TTC8: variants seen among roughly 807,000 people sequenced by gnomAD.
TTC8 encodes the protein tetratricopeptide repeat protein 8.
A neutral mutation model predicts 72.5 loss-of-function variants in TTC8; 47 were observed. The observed-to-expected ratio is 0.65, with a 90% confidence interval of 0.51 to 0.83. The LOEUF is 0.83. Ranked by LOEUF, TTC8 falls within the 40% of genes least tolerant of loss-of-function variation. The pLI is 0.00. For synonymous variants in TTC8, 199 were observed against 221.4 expected (o/e 0.90, Z 0.90); for missense variants, 611 against 623.2 (o/e 0.98, Z 0.21).
chr14:88,838,844 C>T (rs370872494), intron 2 of TTC8, among the ~76,000 whole-genome samples: 39 of 152,102 alleles, frequency 2.6e-4, no homozygotes, highest in African/African-American at 8.9e-4. Context: ...TTATTGGAAT[C>T]GGATAAATTG....
intron 7 of TTC8, chr14:88,846,479 A>G: frequency 1.8e-6 from 1 of 549,244 alleles, no homozygotes; most frequent in Non-Finnish European, 3.2e-6. Context: ...AGGAACAGTA[A>G]GAAGGCCAGT....
intron 11 of TTC8, 72 bp downstream of exon 11, chr14:88,870,270 G>C (rs1203769199): frequency 2.0e-6 from 3 of 1,525,036 alleles, no homozygotes; most frequent in Admixed American, 3.3e-5. Context: ...AAGATGGAAT[G>C]AAAGTATAGA....
At chr14:88,826,318 T>A (rs1273364559) in intron 1 of TTC8, among the ~76,000 whole-genome samples, 1 of 152,042 alleles carries the variant, frequency 6.6e-6, no homozygotes, top group Non-Finnish European at 1.5e-5. Flanking sequence ...AGTAATCTTA[T>A]AGATATTGCT....
intron 7 of TTC8, among the ~76,000 whole-genome samples, chr14:88,852,357 G>A (rs2094837425): frequency 6.6e-6 from 1 of 152,182 alleles, no homozygotes; most frequent in Non-Finnish European, 1.5e-5. Context: ...TTGAAGAGAA[G>A]ATCTTTTTCA....
At chr14:88,869,117 A>G (rs905332997) in intron 10 of TTC8, among the ~76,000 whole-genome samples, 1 of 152,226 alleles carries the variant, frequency 6.6e-6, no homozygotes, top group African/African-American at 2.4e-5. Context: ...TTCACATAAT[A>G]AACACCATGT....
At position 88,871,955 on chromosome 14, in the gene TTC8, G is replaced by A. The variant is rs962982734; in HGVS notation, c.1224+232G>A. ...TAGTCCCAGCTACTCTGAGGGCTGA[G>A]GCAGGAAGATCACTTGGGCCTAGAA... On this transcript the variant is annotated intron_variant, in intron 12 of 14. Coordinates refer to ENST00000380656, the MANE Select transcript of TTC8 (RefSeq NM_144596.4). This position sits in a 1 kb window ranked among gnomAD's most constrained non-coding sequence, Gnocchi z 4.1. Among the ~76,000 whole-genome samples, 1 of 152,158 alleles carries A rather than the reference G, an allele frequency of 6.6e-6. No individual in the cohort carries two copies. Among genetic ancestry groups the A allele is most frequent in the Non-Finnish European group, 1.5e-5 (1 of 68,024 alleles).
intron 7 of TTC8, among the ~76,000 whole-genome samples, chr14:88,844,072 A>C (rs533414049): frequency 6.7e-6 from 1 of 150,230 alleles, no homozygotes; most frequent in African/African-American, 2.4e-5. Context: ...TAGATCTCCA[A>C]TAAATGGGAA....
At chr14:88,845,455 G>A (rs543198246) in intron 7 of TTC8, among the ~76,000 whole-genome samples, 2 of 152,100 alleles carry the variant, frequency 1.3e-5, no homozygotes, top group Non-Finnish European at 2.9e-5. Flanking sequence ...GAAATGTAGG[G>A]GACAGCCTGG....
intron 10 of TTC8, among the ~76,000 whole-genome samples, chr14:88,868,166 C>T (rs570334719): frequency 6.6e-6 from 1 of 152,270 alleles, no homozygotes; most frequent in African/African-American, 2.4e-5. Context: ...GACTAATCTA[C>T]CCTGTCACAA....
chr14:88,836,537 A>G (rs1185490662), intron 2 of TTC8, among the ~76,000 whole-genome samples: 1 of 151,344 alleles, frequency 6.6e-6, no homozygotes, highest in Non-Finnish European at 1.5e-5. Flanking sequence ...CTTCGGAAGT[A>G]TTTATTCATA....
At chr14:88,834,280 A>G (rs182241791) in intron 2 of TTC8, among the ~76,000 whole-genome samples, 2 of 152,294 alleles carry the variant, frequency 1.3e-5, no homozygotes, top group East Asian at 1.9e-4. Context: ...ACTGGATAAA[A>G]CACAAGAGAA....
chr14:88,852,653 TC>T (rs1438860592), intron 7 of TTC8, among the ~76,000 whole-genome samples: 1 of 152,164 alleles, frequency 6.6e-6, no homozygotes, highest in Non-Finnish European at 1.5e-5. Flanking sequence ...AGTAGATAAA[TC>T]AGGGGGAGTG....
chr14:88,839,302 A>T, intron 2 of TTC8, 150 bp from the exon 3 acceptor site: 1 of 730,970 alleles, frequency 1.4e-6, no homozygotes, highest in Non-Finnish European at 2.1e-6. Context: ...TTAGTTTTTG[A>T]CATGGCCCTT....
Position 88,871,474 on chromosome 14 carries a change from A to G in TTC8, c.1050-75A>G, listed in dbSNP as rs2094933570. On this transcript the variant is annotated intron_variant, in intron 11 of 14. Transcript: ENST00000380656. The surrounding 1 kb of genome is among the most constrained non-coding windows in gnomAD (Gnocchi z 4.1). Reference sequence around the variant, plus strand: ...AAGATGAATTCATTTTTAACTGTGTAAAATATATATATATATGTCTTAAAA... The same window carrying G: ...AAGATGAATTCATTTTTAACTGTGTGAAATATATATATATATGTCTTAAAA... 7.8e-7 allele frequency: 1 copy of G among 1,282,898 alleles called. No individual in the cohort carries two copies. The highest frequency in any genetic ancestry group is 1.3e-5 in the South Asian group (1 of 78,150). The allele number at this position is 1,282,898 out of a possible 1,614,324, so 79.5% of individuals were successfully genotyped here.
intron 8 of TTC8, among the ~76,000 whole-genome samples, chr14:88,856,653 T>C (rs1028596346): frequency 1.3e-5 from 2 of 152,200 alleles, no homozygotes; most frequent in African/African-American, 4.8e-5. Context: ...GGACAATCAG[T>C]ATCAGATATC....
At chr14:88,840,968 G>A in intron 4 of TTC8, 40 bp downstream of exon 4, 2 of 1,613,824 alleles carry the variant, frequency 1.2e-6, no homozygotes, top group Non-Finnish European at 1.7e-6. Context: ...ACTAAATATT[G>A]ATCAGACTGT....
chr14:88,864,295 A>ACTCTAAATT (rs2094900604), intron 10 of TTC8, among the ~76,000 whole-genome samples: 1 of 152,190 alleles, frequency 6.6e-6, no homozygotes, highest in Admixed American at 6.5e-5. Flanking sequence ...AATATTCTGG[A>ACTCTAAATT]CTCTAAATTG....
intron 9 of TTC8, 80 bp from the exon 10 acceptor site, chr14:88,861,142 A>G (rs1429274924): frequency 4.8e-5 from 51 of 1,066,034 alleles, no homozygotes; most frequent in Non-Finnish European, 5.6e-6. Context: ...ATAATTTGTT[A>G]CTAATCAATA....
intron 1 of TTC8, chr14:88,831,141 G>A (rs778478760): frequency 2.6e-5 from 6 of 233,926 alleles, no homozygotes; most frequent in Admixed American, 5.1e-5. Context: ...CAAGGAAAGC[G>A]ACCCCTCGCT....
Sources: allele counts gnomAD v4.1 joint callset (sites outside exome capture counted in the v4.1 genomes callset), GRCh38; gene constraint gnomAD v4.1.1; non-coding constraint Gnocchi (gnomAD v3.1); transcripts MANE v1.5; gene names NCBI Gene and HGNC (gene_info 2026-07-23, HGNC 2026-07-21).